Variants in RAPGEF4 observed in about 807,000 individuals in gnomAD.
The protein encoded by RAPGEF4 is RAP guanine-nucleotide-exchange factor (GEF) 4.
RAPGEF4 carries 66 observed loss-of-function variants against 147.9 expected under a neutral mutation model. The ratio of observed to expected loss-of-function variants is 0.45; its 90% CI spans 0.37 to 0.55. RAPGEF4 has a LOEUF of 0.55. RAPGEF4 is among the 20% of genes least tolerant of loss of function. The pLI, the probability that RAPGEF4 is intolerant of heterozygous loss-of-function variation, is 0.00. For missense variants in RAPGEF4, 1,071 were observed against 1,257.3 expected (o/e 0.85, Z 2.24); for synonymous variants, 419 against 442.7 (o/e 0.95, Z 0.67).
chr2:172,986,183 ATC>A (rs1421139535), intron 12 of RAPGEF4, among the ~76,000 whole-genome samples: 1 of 152,190 alleles, frequency 6.6e-6, no homozygotes, highest in African/African-American at 2.4e-5. Context: ...TGCCTCTCCA[ATC>A]TCTCTTGCAG....
Position 172,996,512 on chromosome 2 carries a change from C to T in RAPGEF4, c.1537C>T (p.Leu513=), listed in dbSNP as rs1026201928. The T allele has an allele frequency of 6.3e-7, 1 of 1,582,636 alleles. No individual in the cohort carries two copies. ...ACCTGAAAAAATTTTAGAGCATTTT[C>T]TAGAAACAATACGCCTTGAGGCAAC... ...GTPEKILEHF[L]ETIRLEATLN... Residue 513 remains leucine (L), a synonymous_variant, in exon 16 of 31, where the codon CTA becomes TTA. Transcript: ENST00000397081.
chr2:172,926,112 A>C (rs926475035), intron 6 of RAPGEF4, among the ~76,000 whole-genome samples: 1 of 151,940 alleles, frequency 6.6e-6, no homozygotes, highest in Non-Finnish European at 1.5e-5. Flanking sequence ...GGAAGGAAGC[A>C]AAACCTTGGA....
chr2:172,791,630 A>G (rs1413656989), intron 1 of RAPGEF4, among the ~76,000 whole-genome samples: 2 of 152,202 alleles, frequency 1.3e-5, no homozygotes, highest in African/African-American at 4.8e-5. Context: ...CTTAAATATT[A>G]AACAAGAATG....
At chr2:172,986,781 C>T (rs1411896992) in intron 12 of RAPGEF4, among the ~76,000 whole-genome samples, 2 of 151,672 alleles carry the variant, frequency 1.3e-5, no homozygotes, top group Non-Finnish European at 2.9e-5. Context: ...GCAACCTTCA[C>T]CTCCCAGGTT....
At chr2:172,998,966 CTA>C (rs1431699845) in intron 16 of RAPGEF4, among the ~76,000 whole-genome samples, 1 of 152,206 alleles carries the variant, frequency 6.6e-6, no homozygotes, top group Admixed American at 6.5e-5. Flanking sequence ...CAAGTCACCT[CTA>C]AAAGAGATGG....
chr2:173,016,298 A>G (rs760115162), intron 18 of RAPGEF4, 51 bp from the exon 19 acceptor site: 3 of 1,280,878 alleles, frequency 2.3e-6, no homozygotes, highest in South Asian at 2.4e-5. Context: ...TGACAGAATC[A>G]TGTGCCTTTT....
At chr2:172,971,955 A>G (rs1004296264) in intron 10 of RAPGEF4, among the ~76,000 whole-genome samples, 1 of 152,178 alleles carries the variant, frequency 6.6e-6, no homozygotes, top group African/African-American at 2.4e-5. Context: ...CTTATTGCCC[A>G]TACTCTGCTA....
chr2:172,978,022 C>G (rs1018394841), intron 10 of RAPGEF4, among the ~76,000 whole-genome samples: 1 of 152,188 alleles, frequency 6.6e-6, no homozygotes, highest in South Asian at 2.1e-4. Flanking sequence ...GATTCAGAAA[C>G]TAAACTGTTT....
intron 15 of RAPGEF4, among the ~76,000 whole-genome samples, chr2:172,995,245 T>TTGTTTGTGTG (rs1480501295): frequency 1.4e-5 from 2 of 138,590 alleles, no homozygotes; most frequent in African/African-American, 2.8e-5. Context: ...ACTTGCCTGT[T>TTGTTTGTGTG]TGTGTGTGTG....
At chr2:172,962,993 G>A (rs1689453373) in intron 8 of RAPGEF4, among the ~76,000 whole-genome samples, 1 of 152,102 alleles carries the variant, frequency 6.6e-6, no homozygotes, top group Non-Finnish European at 1.5e-5. Flanking sequence ...TTAACAGGAA[G>A]CATGACTAAG....
intron 29 of RAPGEF4, among the ~76,000 whole-genome samples, chr2:173,043,853 C>A (rs918047330): frequency 6.6e-6 from 1 of 152,238 alleles, no homozygotes; most frequent in Non-Finnish European, 1.5e-5. Flanking sequence ...GAGCCTCTGG[C>A]TTGTGCCAGG....
At chr2:172,979,086 C>T (rs1691402437) in intron 10 of RAPGEF4, among the ~76,000 whole-genome samples, 1 of 152,188 alleles carries the variant, frequency 6.6e-6, no homozygotes, top group South Asian at 2.1e-4. Flanking sequence ...TAGACCTTTT[C>T]TATCATTTTA....
At chr2:173,049,001 C>G (rs1685851824) in intron 30 of RAPGEF4, among the ~76,000 whole-genome samples, 1 of 152,158 alleles carries the variant, frequency 6.6e-6, no homozygotes, top group Non-Finnish European at 1.5e-5. Context: ...CTCATTGCTC[C>G]ATGTTGAGAA....
chr2:172,762,296 A>G (rs186875641), intron 1 of RAPGEF4, among the ~76,000 whole-genome samples: 1 of 152,278 alleles, frequency 6.6e-6, no homozygotes, highest in African/African-American at 2.4e-5. Context: ...CTCCCTCTCC[A>G]GTAATCCAGC....
At chr2:172,857,080 G>A (rs7559060) in intron 4 of RAPGEF4, among the ~76,000 whole-genome samples, 46 of 150,410 alleles carry the variant, frequency 3.1e-4, no homozygotes, top group African/African-American at 1.1e-3. Context: ...TTATCTGTGG[G>A]AGAGCTGGCC....
At chr2:172,739,517 A>C (rs1694119844) in intron 1 of RAPGEF4, among the ~76,000 whole-genome samples, 1 of 151,930 alleles carries the variant, frequency 6.6e-6, no homozygotes, top group African/African-American at 2.4e-5. Flanking sequence ...GATTACAGGC[A>C]CACACCACCA....
chr2:172,821,813 C>A, intron 4 of RAPGEF4: 2 of 1,299,182 alleles, frequency 1.5e-6, no homozygotes, highest in Non-Finnish European at 2.0e-6. Flanking sequence ...GGAGAACCAT[C>A]AGCACCAGTT....
chr2:172,850,474 C>T (rs554778634), intron 4 of RAPGEF4, among the ~76,000 whole-genome samples: 10 of 152,032 alleles, frequency 6.6e-5, no homozygotes, highest in Non-Finnish European at 1.2e-4. Context: ...AAAAATTAGC[C>T]GGGCATGGTG....
chr2:172,983,358 G>A, intron 10 of RAPGEF4, 138 bp from the exon 11 acceptor site: 1 of 1,453,630 alleles, frequency 6.9e-7, no homozygotes, highest in Non-Finnish European at 9.0e-7. Flanking sequence ...TTATACTGGT[G>A]CAACCTCTCC....
Sources: allele counts gnomAD v4.1 joint callset (sites outside exome capture counted in the v4.1 genomes callset), GRCh38; gene constraint gnomAD v4.1.1; transcripts MANE v1.5; gene names NCBI Gene and HGNC (gene_info 2026-07-23, HGNC 2026-07-21).